The following PCYT1B variants were observed in gnomAD, a reference collection of about 807,000 sequenced individuals.
The protein encoded by PCYT1B is phosphate cytidylyltransferase 1B, choline.
In PCYT1B, 10 loss-of-function variants were observed where a neutral mutation model predicts 26.4. The ratio of observed to expected loss-of-function variants is 0.38; its 90% confidence interval spans 0.23 to 0.64. The LOEUF is 0.64. Ranked by LOEUF, PCYT1B falls within the 30% of genes least tolerant of loss-of-function variation. The pLI, the probability that PCYT1B is intolerant of heterozygous loss-of-function variation, is 0.56. For missense variants in PCYT1B, 161 were observed against 292.7 expected (o/e 0.55, Z 3.28); for synonymous variants, 131 against 108.4 (o/e 1.21, Z -1.29).
chrX:24,567,510 G>C (rs1923670727), intron 7 of PCYT1B, among the ~76,000 whole-genome samples: 1 of 112,044 alleles, frequency 8.9e-6, no homozygotes, highest in African/African-American at 3.2e-5. Context: ...CATTTTCCAA[G>C]AGTAAAGGTA....
At position 24,613,572 on chromosome X, in the gene PCYT1B, A is replaced by T. The variant is rs555908580; in HGVS notation, c.217+5413T>A. Among the ~76,000 whole-genome samples, 5 of 111,805 alleles carry T rather than the reference A, an allele frequency of 4.5e-5. No individual in the cohort carries two copies. In the East Asian group the frequency reaches 8.4e-4, roughly 19 times the overall value. ...CGGCTCTTGAAAAATGTAGTCAGGG[A>T]AATTCTACACACTGTGGAAACAGAT... On this transcript the variant is annotated intron_variant, in intron 2 of 7. Coordinates refer to ENST00000379144, the MANE Select transcript of PCYT1B (RefSeq NM_004845.5).
rs750859337 is a variant in PCYT1B at position 24,664,826 on chromosome X, C to T, written c.63+7744G>A. 3.6e-5 allele frequency among the ~76,000 whole-genome samples: 4 copies of T among 111,587 alleles called. No homozygotes were observed. In the South Asian group the frequency reaches 1.1e-3, roughly 32 times the overall value. On this transcript the variant is annotated intron_variant, in intron 1 of 7. Transcript: ENST00000379145. ...TACAAAAATTACCTGGGCATGGTGG[C>T]GCACGCCTGTGGTCCCAGCTACTCG...
chrX:24,672,117 G>A (rs1351517513), intron 1 of PCYT1B, among the ~76,000 whole-genome samples: 4 of 112,154 alleles, frequency 3.6e-5, no homozygotes, highest in South Asian at 7.5e-4. Flanking sequence ...AGCCGAGATC[G>A]TGCCATTGCA....
intron 2 of PCYT1B, among the ~76,000 whole-genome samples, chrX:24,612,975 C>T (rs1318179193): frequency 8.9e-6 from 1 of 112,230 alleles, no homozygotes; most frequent in African/African-American, 3.2e-5. Context: ...ATTCACAAAA[C>T]ACATGTATTT....
In PCYT1B at chrX:24,559,687, G is replaced by T. The variant is rs1042894357; in HGVS notation, c.*2606C>A. 2.7e-5 allele frequency: 3 copies of T among 111,489 alleles called. No homozygotes were observed. Among genetic ancestry groups the T allele is most frequent in the African/African-American group, 9.8e-5 (3 of 30,635 alleles). The allele number at this position is 111,489 out of a possible 1,213,427, so 9.2% of individuals were successfully genotyped here. On this transcript the variant is annotated 3_prime_UTR_variant, in exon 8 of 8. Coordinates refer to ENST00000379144, the MANE Select transcript of PCYT1B (RefSeq NM_004845.5). ...TCCTGCTTACCCCTCCAAGCTTGGG[G>T]CATATTTCTCATTCCAGCCTTAACT...
intron 1 of PCYT1B, among the ~76,000 whole-genome samples, chrX:24,631,232 GT>G (rs1193023068): frequency 9.0e-6 from 1 of 111,683 alleles, no homozygotes; most frequent in Non-Finnish European, 1.9e-5. Context: ...AGAAAGTCCT[GT>G]TTTTTTATGT....
At chrX:24,655,624 A>G (rs938188583) in intron 1 of PCYT1B, among the ~76,000 whole-genome samples, 1 of 111,449 alleles carries the variant, frequency 9.0e-6, no homozygotes, top group African/African-American at 3.3e-5. Context: ...CTCTACTAAA[A>G]ATACAAAAAT....
chrX:24,665,012 T>A (rs1927099244), intron 1 of PCYT1B, among the ~76,000 whole-genome samples: 1 of 111,402 alleles, frequency 9.0e-6, no homozygotes, highest in Non-Finnish European at 1.9e-5. Context: ...AAGACAACTG[T>A]AAAAGCTAGG....
chrX:24,632,573 C>A, intron 1 of PCYT1B: 1 of 128,646 alleles, frequency 7.8e-6, no homozygotes. Flanking sequence ...AACACCAAGG[C>A]CCTCACCAAG....
chrX:24,623,364 C>CATATATATAT (rs57642734), intron 1 of PCYT1B, among the ~76,000 whole-genome samples: 6,177 of 78,327 alleles, frequency 0.079, 412 homozygotes, highest in Non-Finnish European at 0.095. Flanking sequence ...ATGAGATTTA[C>CATATATATAT]ATATATATAT....
chrX:24,638,210 G>T (rs949926837), intron 1 of PCYT1B, among the ~76,000 whole-genome samples: 6 of 111,944 alleles, frequency 5.4e-5, no homozygotes, highest in South Asian at 7.5e-4. Flanking sequence ...GATTTTGGCG[G>T]GAGGGAGGAG....
In PCYT1B at chrX:24,593,802, T is replaced by C. The variant is rs761342701; in HGVS notation, c.335-3628A>G. ...TCAGCCTCCCAAAGTGCTGGGATTA[T>C]AGGCGTGAGCCACCGCGCCTGGCCT... On this transcript the variant is annotated intron_variant, in intron 3 of 7. Coordinates refer to ENST00000379144, the MANE Select transcript of PCYT1B (RefSeq NM_004845.5). 1.6e-4 allele frequency among the ~76,000 whole-genome samples: 18 copies of C among 110,951 alleles called. No individual in the cohort carries two copies. The South Asian group carries it at 6.8e-3, about 42-fold the overall frequency.
intron 1 of PCYT1B, among the ~76,000 whole-genome samples, chrX:24,663,621 A>G (rs1927070069): frequency 8.9e-6 from 1 of 112,030 alleles, no homozygotes; most frequent in African/African-American, 3.2e-5. Context: ...TAAGTGTTTA[A>G]AACAGCAAAC....
At chrX:24,621,325 G>A (rs1925694669) in intron 1 of PCYT1B, among the ~76,000 whole-genome samples, 1 of 111,589 alleles carries the variant, frequency 9.0e-6, no homozygotes, top group African/African-American at 3.3e-5. Flanking sequence ...GTTGTGAAAA[G>A]CAGAGATAAT....
intron 1 of PCYT1B, among the ~76,000 whole-genome samples, chrX:24,625,866 C>T (rs1925868221): frequency 9.3e-6 from 1 of 107,796 alleles, no homozygotes; most frequent in Non-Finnish European, 1.9e-5. Context: ...GTAATCCCAG[C>T]ACTTTGGGAG....
chrX:24,605,683 G>A lies in PCYT1B; in HGVS notation c.334+2062C>T, dbSNP rs61761901. ...CTCACGCCTGTAATCCTAACACTTT[G>A]GGAGGCTGAGGTGGGTGGATCACCT... is the stretch of plus-strand genomic sequence containing the variant. On this transcript the variant is annotated intron_variant, in intron 3 of 7. Transcript: ENST00000379144. 2.7e-3 allele frequency among the ~76,000 whole-genome samples: 301 copies of A among 111,894 alleles called. 2 individuals are homozygous for A. Among genetic ancestry groups the A allele is most frequent in the Non-Finnish European group, 4.0e-3 (214 of 53,200 alleles).
chrX:24,570,204 A>AC (rs1161277669), intron 7 of PCYT1B, among the ~76,000 whole-genome samples: 1 of 109,039 alleles, frequency 9.2e-6, no homozygotes, highest in Non-Finnish European at 1.9e-5. Context: ...AAAAAAAAAA[A>AC]AAAGGTTAAA....
intron 3 of PCYT1B, among the ~76,000 whole-genome samples, chrX:24,595,957 T>C (rs1360811889): frequency 9.0e-6 from 1 of 111,581 alleles, no homozygotes. Context: ...GAATATTTAG[T>C]TCCAATTAAA....
At chrX:24,599,264 A>G in intron 3 of PCYT1B, among the ~76,000 whole-genome samples, 1 of 111,998 alleles carries the variant, frequency 8.9e-6, no homozygotes, top group South Asian at 3.7e-4. Context: ...TTGTCACTTG[A>G]TAGACCATTA....
Sources: gnomAD v4.1 joint callset for allele counts (sites outside exome capture counted in the v4.1 genomes callset) on GRCh38, gnomAD v4.1.1 for gene constraint, MANE v1.5 for transcripts, NCBI Gene and HGNC (gene_info 2026-07-23, HGNC 2026-07-21) for gene names.